CNTNAP2: variants seen among roughly 807,000 people sequenced by gnomAD.
CNTNAP2 encodes contactin-associated protein-like 2.
CNTNAP2 carries 98 observed loss-of-function variants against 155.2 expected under a neutral mutation model. That is an observed-to-expected ratio of 0.63 (90% confidence interval 0.54 to 0.75). The LOEUF (loss-of-function observed/expected upper bound fraction) is 0.75, where lower values mean the gene tolerates loss of function less well. Ranked by LOEUF, CNTNAP2 falls within the 30% of genes least tolerant of loss-of-function variation. CNTNAP2 has a pLI of 0.00. For synonymous variants in CNTNAP2, 651 were observed against 631.2 expected (o/e 1.03, Z -0.47); for missense variants, 1,727 against 1,688.1 (o/e 1.02, Z -0.40).
At chr7:148,399,298 A>G (rs1799535277) in intron 22 of CNTNAP2, among the ~76,000 whole-genome samples, 1 of 151,988 alleles carries the variant, frequency 6.6e-6, no homozygotes, top group Admixed American at 6.6e-5. Flanking sequence ...AAAAAAATCC[A>G]CGGTACAGTA....
chr7:146,533,190 A>C (rs1158848684), intron 1 of CNTNAP2, among the ~76,000 whole-genome samples: 2 of 150,888 alleles, frequency 1.3e-5, no homozygotes, highest in East Asian at 3.9e-4. Context: ...TTTTGCAAAA[A>C]TTTTATGAAA....
chr7:146,930,524 C>T lies in CNTNAP2; in HGVS notation c.402+90620C>T, dbSNP rs1025922215. 3.9e-5 allele frequency among the ~76,000 whole-genome samples: 6 copies of T among 152,176 alleles called. No individual in the cohort carries two copies. In the East Asian group the frequency reaches 1.2e-3, roughly 29 times the overall value. On this transcript the variant is annotated intron_variant, in intron 3 of 23. Transcript: ENST00000361727. ...GACCATCGATGCTAGGAAGAAACTG[C>T]ATCAACTAACGAACAAAATAACCAG... is the stretch of plus-strand genomic sequence containing the variant.
At chr7:147,765,811 G>A (rs74759267) in intron 13 of CNTNAP2, among the ~76,000 whole-genome samples, 2,031 of 152,140 alleles carry the variant, frequency 0.013, 104 homozygotes, top group Admixed American at 0.09. Flanking sequence ...AACTAATTCA[G>A]CAGTTTATTC....
At chr7:148,404,497 C>G (rs546217028) in intron 22 of CNTNAP2, among the ~76,000 whole-genome samples, 2 of 102,580 alleles carry the variant, frequency 1.9e-5, no homozygotes, top group African/African-American at 8.2e-5. Context: ...ACTGGACTTG[C>G]AACAGGGTAC....
intron 14 of CNTNAP2, among the ~76,000 whole-genome samples, chr7:147,919,831 C>T (rs1454757872): frequency 1.3e-5 from 2 of 151,610 alleles, no homozygotes; most frequent in African/African-American, 4.8e-5. Context: ...AAGTGATTCA[C>T]CCACCTTAGC....
chr7:148,074,497 C>T (rs1157316509), intron 15 of CNTNAP2, among the ~76,000 whole-genome samples: 3 of 80,440 alleles, frequency 3.7e-5, no homozygotes, highest in Non-Finnish European at 7.1e-5. Flanking sequence ...TCAAGACCAG[C>T]CTGGCCAACA....
intron 8 of CNTNAP2, among the ~76,000 whole-genome samples, chr7:147,145,511 C>T (rs1305925726): frequency 1.3e-5 from 2 of 152,124 alleles, no homozygotes; most frequent in Admixed American, 1.3e-4. Flanking sequence ...TGAAGGAGCT[C>T]CTCTGTTGCA....
At chr7:146,390,970 G>A (rs551663549) in intron 1 of CNTNAP2, among the ~76,000 whole-genome samples, 7 of 149,192 alleles carry the variant, frequency 4.7e-5, no homozygotes, top group Middle Eastern at 7.1e-3. Flanking sequence ...AGGAGGCTGA[G>A]GCAGGAGAAT....
At chr7:146,905,757 T>C (rs1796107563) in intron 3 of CNTNAP2, among the ~76,000 whole-genome samples, 1 of 152,184 alleles carries the variant, frequency 6.6e-6, no homozygotes, top group Non-Finnish European at 1.5e-5. Context: ...TAACAATTTT[T>C]AACTTAATAC....
At chr7:148,105,533 G>A (rs1285593070) in intron 15 of CNTNAP2, among the ~76,000 whole-genome samples, 2 of 152,072 alleles carry the variant, frequency 1.3e-5, no homozygotes, top group Non-Finnish European at 2.9e-5. Flanking sequence ...GAACCGTTGG[G>A]ATTTGATGCA....
chr7:146,522,820 A>AT (rs1387687359), intron 1 of CNTNAP2, among the ~76,000 whole-genome samples: 1 of 150,604 alleles, frequency 6.6e-6, no homozygotes. Context: ...TAATCCCATA[A>AT]TTTTTTCTTA....
chr7:147,972,530 C>T (rs533599337), intron 14 of CNTNAP2, among the ~76,000 whole-genome samples: 1 of 152,184 alleles, frequency 6.6e-6, no homozygotes, highest in Non-Finnish European at 1.5e-5. Flanking sequence ...CAAAGCAAGA[C>T]AGAATTCTTC....
intron 1 of CNTNAP2, among the ~76,000 whole-genome samples, chr7:146,661,368 G>A (rs985315047): frequency 1.5e-4 from 22 of 151,658 alleles, no homozygotes; most frequent in African/African-American, 5.3e-4. Flanking sequence ...ACGAATTTTG[G>A]CAAAGGTATG....
chr7:146,244,581 G>T (rs899311165), intron 1 of CNTNAP2, among the ~76,000 whole-genome samples: 4 of 152,130 alleles, frequency 2.6e-5, no homozygotes, highest in African/African-American at 7.2e-5. Flanking sequence ...GCTTGGTGAG[G>T]TGTGTTTTTA....
At chr7:146,717,523 A>G (rs1229106250) in intron 1 of CNTNAP2, among the ~76,000 whole-genome samples, 2 of 151,982 alleles carry the variant, frequency 1.3e-5, no homozygotes, top group Non-Finnish European at 2.9e-5. Context: ...TAATGTTATT[A>G]AACATGTAAA....
intron 1 of CNTNAP2, among the ~76,000 whole-genome samples, chr7:146,264,048 G>T (rs1441299158): frequency 6.6e-6 from 1 of 152,062 alleles, no homozygotes; most frequent in African/African-American, 2.4e-5. Flanking sequence ...TCCTTCGCAG[G>T]GTCAGAATTG....
intron 1 of CNTNAP2, among the ~76,000 whole-genome samples, chr7:146,447,470 C>T (rs995387327): frequency 1.3e-5 from 2 of 151,978 alleles, no homozygotes; most frequent in African/African-American, 4.8e-5. Context: ...AACCAATTTA[C>T]AATTTTCAAA....
intron 9 of CNTNAP2, among the ~76,000 whole-genome samples, chr7:147,339,659 G>C (rs1228108940): frequency 3.9e-5 from 6 of 151,918 alleles, no homozygotes; most frequent in Non-Finnish European, 8.8e-5. Context: ...TAAATATTCT[G>C]TGTATACAGA....
intron 10 of CNTNAP2, among the ~76,000 whole-genome samples, chr7:147,462,530 G>A (rs910630454): frequency 2.6e-5 from 4 of 152,074 alleles, no homozygotes; most frequent in Admixed American, 6.5e-5. Flanking sequence ...CTCAAATGGA[G>A]CCCTAAAGAT....
Sources: gnomAD v4.1 joint callset for allele counts (sites outside exome capture counted in the v4.1 genomes callset) on GRCh38, gnomAD v4.1.1 for gene constraint, MANE v1.5 for transcripts, NCBI Gene and HGNC (gene_info 2026-07-23, HGNC 2026-07-21) for gene names.